Variants in SERGEF observed in about 807,000 individuals in gnomAD.
SERGEF encodes the protein secretion regulating guanine nucleotide exchange factor, also known as secretion-regulating guanine nucleotide exchange factor.
In SERGEF, 51 loss-of-function variants were observed where a neutral mutation model predicts 50.0. The observed-to-expected ratio is 1.02, with a 90% confidence interval of 0.81 to 1.29. The LOEUF (loss-of-function observed/expected upper bound fraction) is 1.29. SERGEF is among the 50% of genes most tolerant of loss of function. The pLI is 0.00. For missense variants in SERGEF, 521 were observed against 557.0 expected, an observed-to-expected ratio of 0.94 and a Z score of 0.65; for synonymous variants, 205 against 212.4, an observed-to-expected ratio of 0.97 and a Z score of 0.30.
intron 9 of SERGEF, among the ~76,000 whole-genome samples, chr11:17,928,517 C>A (rs1210822234): frequency 6.6e-6 from 1 of 152,078 alleles, no homozygotes; most frequent in African/African-American, 2.4e-5. Context: ...CCACAGACTG[C>A]AAGCTTTGTG....
At chr11:17,828,176 T>A (rs1342845306) in intron 10 of SERGEF, among the ~76,000 whole-genome samples, 3 of 152,170 alleles carry the variant, frequency 2.0e-5, no homozygotes, top group Non-Finnish European at 4.4e-5. Context: ...CTTGAGTGAG[T>A]AAGTCGGGAA....
chr11:17,826,344 A>G (rs1850195402), intron 10 of SERGEF, among the ~76,000 whole-genome samples: 1 of 152,198 alleles, frequency 6.6e-6, no homozygotes, highest in Non-Finnish European at 1.5e-5. Flanking sequence ...CTAATTTTGT[A>G]ACCATCTGCA....
chr11:17,843,574 G>A (rs1850547289), intron 10 of SERGEF, among the ~76,000 whole-genome samples: 1 of 152,168 alleles, frequency 6.6e-6, no homozygotes, highest in Admixed American at 6.5e-5. Flanking sequence ...TCCACTTACT[G>A]TTCTGAAGAA....
chr11:17,908,092 T>G (rs1248446169), intron 9 of SERGEF, among the ~76,000 whole-genome samples: 1 of 152,220 alleles, frequency 6.6e-6, no homozygotes, highest in African/African-American at 2.4e-5. Context: ...TATCTCTCCC[T>G]TTCTCCAATC....
At chr11:18,010,188 C>G in intron 1 of SERGEF, 1 of 715,348 alleles carries the variant, frequency 1.4e-6, no homozygotes, top group Non-Finnish European at 2.1e-6. Context: ...TACATATATA[C>G]ATACTTACAT....
chr11:17,805,827 C>CTAT (rs1273521226), intron 10 of SERGEF, among the ~76,000 whole-genome samples: 1 of 152,178 alleles, frequency 6.6e-6, no homozygotes, highest in African/African-American at 2.4e-5. Flanking sequence ...TAACATGGGG[C>CTAT]TATTGTTCTG....
rs1446348255 is a variant in SERGEF, at chr11:17,991,077, A to C, written c.685+1854T>G. ...AGTGCTGGGATTACAGGTGTGAGCC[A>C]CAGTGTCCAGCAGGGCTATTAATCT... On this transcript the variant is annotated intron_variant, in intron 7 of 10. Transcript: ENST00000265965. The surrounding 1 kb of genome is among the most constrained non-coding windows in gnomAD (Gnocchi z 4.9). 1.3e-5 allele frequency among the ~76,000 whole-genome samples: 2 copies of C among 152,216 alleles called. No homozygotes were observed. Among genetic ancestry groups the C allele is most frequent in the Admixed American group, 6.5e-5 (1 of 15,280 alleles).
At chr11:17,879,768 G>A (rs2133899721) in intron 9 of SERGEF, among the ~76,000 whole-genome samples, 1 of 152,216 alleles carries the variant, frequency 6.6e-6, no homozygotes, top group African/African-American at 2.4e-5. Context: ...AGTAATATAT[G>A]TTAATTAGCC....
chr11:17,838,678 G>C (rs1458362751), intron 10 of SERGEF, among the ~76,000 whole-genome samples: 1 of 152,130 alleles, frequency 6.6e-6, no homozygotes, highest in Non-Finnish European at 1.5e-5. Context: ...CTGTAAAACC[G>C]ATAATAATAA....
intron 9 of SERGEF, among the ~76,000 whole-genome samples, chr11:17,887,822 T>C (rs1851459334): frequency 6.6e-6 from 1 of 152,188 alleles, no homozygotes; most frequent in South Asian, 2.1e-4. Flanking sequence ...TACAGTGTAG[T>C]TCATTCAGAA....
chr11:17,955,467 A>C (rs1419229628), intron 9 of SERGEF, among the ~76,000 whole-genome samples: 2 of 152,220 alleles, frequency 1.3e-5, no homozygotes, highest in Non-Finnish European at 2.9e-5. Context: ...TAAATGTCAG[A>C]AAGATCCAGG....
chr11:17,807,870 C>T (rs922602160), intron 10 of SERGEF, among the ~76,000 whole-genome samples: 2 of 152,170 alleles, frequency 1.3e-5, no homozygotes, highest in African/African-American at 2.4e-5. Flanking sequence ...CCATTGCCTC[C>T]CCCAGTCCTG....
intron 9 of SERGEF, among the ~76,000 whole-genome samples, chr11:17,901,704 C>A (rs1402128126): frequency 6.6e-6 from 1 of 152,178 alleles, no homozygotes; most frequent in Non-Finnish European, 1.5e-5. Flanking sequence ...CCTAATCTTC[C>A]AGCTAGAAGA....
intron 10 of SERGEF, among the ~76,000 whole-genome samples, chr11:17,797,952 C>G (rs1849599410): frequency 6.6e-6 from 1 of 152,148 alleles, no homozygotes; most frequent in Admixed American, 6.5e-5. Context: ...AGAGGCTGGG[C>G]TGAGACAAAC....
At chr11:17,813,218 G>T (rs1282988471) in intron 10 of SERGEF, among the ~76,000 whole-genome samples, 1 of 152,186 alleles carries the variant, frequency 6.6e-6, no homozygotes, top group East Asian at 1.9e-4. Context: ...GCTGGTGTGA[G>T]GACCAGAGAT....
At chr11:17,961,497 T>C (rs979379034) in intron 8 of SERGEF, among the ~76,000 whole-genome samples, 1 of 152,164 alleles carries the variant, frequency 6.6e-6, no homozygotes, top group Non-Finnish European at 1.5e-5. Context: ...GAAATAATTT[T>C]ACCAGAAATC....
At chr11:17,851,205 GT>G (rs1301492790) in intron 10 of SERGEF, among the ~76,000 whole-genome samples, 1 of 152,022 alleles carries the variant, frequency 6.6e-6, no homozygotes, top group Non-Finnish European at 1.5e-5. Context: ...TGTGAGACGG[GT>G]GCTATTATCT....
chr11:17,943,255 G>C (rs1041824103), intron 9 of SERGEF, among the ~76,000 whole-genome samples: 2 of 152,080 alleles, frequency 1.3e-5, no homozygotes, highest in Non-Finnish European at 2.9e-5. Context: ...TTCTTTACTA[G>C]ACATACAGAT....
At chr11:17,861,170 T>C (rs1850920091) in intron 10 of SERGEF, among the ~76,000 whole-genome samples, 1 of 152,110 alleles carries the variant, frequency 6.6e-6, no homozygotes, top group African/African-American at 2.4e-5. Flanking sequence ...GAGGGCCATA[T>C]GGGAAGCAAG....
Sources: gnomAD v4.1 joint callset for allele counts (sites outside exome capture counted in the v4.1 genomes callset) on GRCh38, gnomAD v4.1.1 for gene constraint, Gnocchi (gnomAD v3.1) non-coding constraint, MANE v1.5 for transcripts, NCBI Gene and HGNC (gene_info 2026-07-23, HGNC 2026-07-21) for gene names.